ALPK1: variants seen among roughly 807,000 people sequenced by gnomAD.
ALPK1 encodes alpha-protein kinase 1.
ALPK1 carries 110 observed loss-of-function variants against 120.6 expected under a neutral mutation model. That is an observed-to-expected ratio of 0.91 (90% CI 0.78 to 1.07). The LOEUF (loss-of-function observed/expected upper bound fraction) is 1.07. ALPK1 is among the 50% of genes least tolerant of loss of function. ALPK1 has a pLI of 0.00. For synonymous variants in ALPK1, 582 were observed against 560.3 expected (o/e 1.04, Z -0.55); for missense variants, 1,498 against 1,483.9 (o/e 1.01, Z -0.16).
chr4:112,389,489 C>G (rs1732308312), intron 4 of ALPK1, among the ~76,000 whole-genome samples: 1 of 152,178 alleles, frequency 6.6e-6, no homozygotes, highest in African/African-American at 2.4e-5. Context: ...CAGAAAGAAC[C>G]TTGCTCCAGC....
intron 3 of ALPK1, among the ~76,000 whole-genome samples, chr4:112,379,654 T>C (rs1417894432): frequency 2.0e-5 from 3 of 152,232 alleles, no homozygotes; most frequent in South Asian, 2.1e-4. Context: ...GGGTCACTTA[T>C]GGCAGCGGGG....
chr4:112,349,799 G>T (rs1159916714), intron 2 of ALPK1, among the ~76,000 whole-genome samples: 2 of 152,060 alleles, frequency 1.3e-5, no homozygotes, highest in Non-Finnish European at 1.5e-5. Flanking sequence ...TGATCCACCT[G>T]CCTCGGCCTC....
chr4:112,321,121 T>C (rs1365383971), intron 2 of ALPK1, among the ~76,000 whole-genome samples: 3 of 151,936 alleles, frequency 2.0e-5, no homozygotes, highest in Non-Finnish European at 1.5e-5. Context: ...ATGGTCTCGA[T>C]CTCCCGACCT....
rs144233103 is a variant in ALPK1 at position 112,331,647 on chromosome 4, T to C, written c.-101+15795T>C. On this transcript the variant is annotated intron_variant, in intron 2 of 15. Coordinates refer to ENST00000650871, the MANE Select transcript of ALPK1 (RefSeq NM_025144.4). The stretch of plus-strand genomic sequence containing the variant: ...TGTATTATGCATAAACATCAGTAAA[T>C]CAGCCTTGGACATTTTCTATCCTGT... Among the ~76,000 whole-genome samples the C allele has an allele frequency of 1.6e-3, 241 of 152,354 alleles. 1 individual carries two copies. The highest frequency in any genetic ancestry group is 4.8e-3 in the African/African-American group (198 of 41,574).
chr4:112,404,547 C>A (rs1020218363), intron 4 of ALPK1, among the ~76,000 whole-genome samples: 2 of 152,226 alleles, frequency 1.3e-5, no homozygotes, highest in Admixed American at 1.3e-4. Context: ...TCATCTCAGA[C>A]ATTATATCGC....
chr4:112,366,053 A>G (rs929207679), intron 2 of ALPK1, among the ~76,000 whole-genome samples: 1 of 152,160 alleles, frequency 6.6e-6, no homozygotes, highest in African/African-American at 2.4e-5. Context: ...TACAAAAATC[A>G]ACTCAAGATG....
chr4:112,349,649 G>A (rs564326333), intron 2 of ALPK1, among the ~76,000 whole-genome samples: 39 of 146,596 alleles, frequency 2.7e-4, no homozygotes, highest in Middle Eastern at 3.5e-3. Flanking sequence ...CGTCTCCCAG[G>A]TTCAAGCGAT....
chr4:112,439,698 A>G lies in ALPK1; in HGVS notation c.3364A>G (p.Lys1122Glu). 1 of 1,603,268 alleles carries G rather than the reference A, an allele frequency of 6.2e-7. No individual in the cohort carries two copies. The highest frequency in any genetic ancestry group is 8.5e-7 in the Non-Finnish European group (1 of 1,175,806). ...PSTILLILED[K>E]TIKGCISVEP... is the part of the protein sequence containing the mutation. The stretch of plus-strand genomic sequence containing the variant: ...TGCTATTTTTCAGATTTTAGAGGAC[A>G]AGACAATAAAGGGATGTATCAGTGT... Residue 1122 changes from lysine (K) to glutamate (E), a missense_variant, in exon 14 of 16, where the codon AAG (lysine) becomes GAG (glutamate). Transcript: ENST00000650871.
chr4:112,431,392 T>G lies in ALPK1; in HGVS notation c.1845T>G (p.His615Gln). The change falls in exon 11 of 16, where the codon CAT (histidine) becomes CAG (glutamine). Residue 615 changes from histidine (H) to glutamine (Q), a missense_variant. His to Gln is a conservative substitution (Grantham distance 24, BLOSUM62 0). Transcript: ENST00000650871. The stretch of plus-strand genomic sequence containing the variant: ...CCAGAAAAGAGCCTGGCAAAGAACA[T>G]CTGGTGGACACTCAGTGTTCCACTG... Reference protein sequence around the residue: ...RSARKEPGKEHLVDTQCSTAL... With the variant: ...RSARKEPGKEQLVDTQCSTAL... 6.2e-7 allele frequency: 1 copy of G among 1,614,146 alleles called. No homozygotes were observed. The highest frequency in any genetic ancestry group is 8.5e-7 in the Non-Finnish European group (1 of 1,180,006).
intron 4 of ALPK1, among the ~76,000 whole-genome samples, chr4:112,408,255 C>A (rs949169839): frequency 1.3e-5 from 2 of 152,260 alleles, no homozygotes; most frequent in South Asian, 4.1e-4. Flanking sequence ...GTTGTTCTTT[C>A]TAAGCAAAAG....
intron 11 of ALPK1, among the ~76,000 whole-genome samples, chr4:112,434,152 G>A (rs1181093164): frequency 3.9e-5 from 6 of 152,108 alleles, no homozygotes; most frequent in Non-Finnish European, 7.4e-5. Context: ...ATTTGTTATC[G>A]TTTGCTAATT....
In ALPK1 at chr4:112,425,664, G is replaced by GGTACCTGGCTGTACAGAAATGAAA; in HGVS notation, c.538_561dup (p.Thr180_Ser187dup). 2 of 1,611,388 alleles carry GGTACCTGGCTGTACAGAAATGAAA rather than the reference G, an allele frequency of 1.2e-6. No individual in the cohort carries two copies. The highest frequency in any genetic ancestry group is 1.7e-6 in the Non-Finnish European group (2 of 1,178,132). On this transcript the variant is annotated inframe_insertion and splice_region_variant. Transcript: ENST00000650871. The stretch of plus-strand genomic sequence containing the variant: ...AAGGGAATTTTCATCTTTTCTTTTA[G>GGTACCTGGCTGTACAGAAATGAAA]GTACCTGGCTGTACAGAAATGAAAG...
intron 11 of ALPK1, 81 bp from the exon 12 acceptor site, chr4:112,435,067 G>A: frequency 7.3e-7 from 1 of 1,376,594 alleles, no homozygotes; most frequent in Non-Finnish European, 1.0e-6. Flanking sequence ...GCTGGCGTAG[G>A]ACCTGTGTCA....
chr4:112,360,453 T>TTG (rs1553942365), intron 2 of ALPK1, among the ~76,000 whole-genome samples: 6 of 152,198 alleles, frequency 3.9e-5, no homozygotes, highest in Non-Finnish European at 7.3e-5. Flanking sequence ...CAATGTTTTT[T>TTG]TGTGTGTGTA....
Position 112,382,510 on chromosome 4 carries a change from A to C in ALPK1, c.234A>C (p.Thr78=). Residue 78 remains threonine (T), a synonymous_variant, in exon 4 of 16, where the codon ACA becomes ACC. Transcript: ENST00000650871. ...AAGCCGTGGGCCCAGAGGACAAAAC[A>C]AACCTGAAGGATGTGATTGGCGCCG... The part of the protein sequence containing the change: ...YKQAVGPEDK[T]NLKDVIGAGL... The C allele has an allele frequency of 1.9e-6, 3 of 1,614,178 alleles. No homozygotes were observed. The highest frequency in any genetic ancestry group is 2.5e-6 in the Non-Finnish European group (3 of 1,180,028).
In ALPK1 at chr4:112,432,410, GGGA is replaced by G; in HGVS notation, c.2865_2867del (p.Ser957del). On this transcript the variant is annotated inframe_deletion, in exon 11 of 16. Transcript: ENST00000650871. ...CCCTTGGTCCTATCTGAATTCCAGT[GGGA>G]GTTCTTGGGTTTCATTGCCGGGAAA... 1 of 1,614,166 alleles carries G rather than the reference GGGA, an allele frequency of 6.2e-7. No individual in the cohort carries two copies. Among genetic ancestry groups the G allele is most frequent in the East Asian group, 2.2e-5 (1 of 44,878 alleles).
In ALPK1 at chr4:112,324,318, C is replaced by G. The variant is rs1461456284; in HGVS notation, c.-101+8466C>G. Among the ~76,000 whole-genome samples, 3 of 140,192 alleles carry G rather than the reference C, an allele frequency of 2.1e-5. No individual in the cohort carries two copies. In the Admixed American group the frequency reaches 2.2e-4, roughly 10 times the overall value. The allele number at this position is 140,192 out of a possible 152,430, so 92.0% of individuals were successfully genotyped here. Reference sequence around the variant, plus strand: ...CTCCAGCCTGGGTGACAGAGCAAGACTCCATCTCAGAAAAAAAAAAAAGAA... The same window carrying G: ...CTCCAGCCTGGGTGACAGAGCAAGAGTCCATCTCAGAAAAAAAAAAAAGAA... On this transcript the variant is annotated intron_variant, in intron 2 of 15. Transcript: ENST00000650871.
intron 2 of ALPK1, among the ~76,000 whole-genome samples, chr4:112,370,611 G>C (rs931671066): frequency 6.6e-6 from 1 of 152,188 alleles, no homozygotes; most frequent in Non-Finnish European, 1.5e-5. Flanking sequence ...CAGCAGGACT[G>C]TTGCCTGAAG....
In ALPK1 at chr4:112,430,730, TC is replaced by T. The variant is rs1734502053; in HGVS notation, c.1185del (p.Ser396ProfsTer16). ...AMGKLYNFSTSSRSQDREALS... is the reference protein window; with the variant it reads ...AMGKLYNFSTXSRSQDREALS... ...GGGGAAGCTGTACAATTTCAGCACT[TC>T]CTCCAGAAGTCAGGACAGAGAAGCT... On this transcript the variant is annotated frameshift_variant, in exon 11 of 16. Coordinates refer to ENST00000650871, the MANE Select transcript of ALPK1 (RefSeq NM_025144.4). LOFTEE classifies it high-confidence loss of function. 6.2e-7 allele frequency: 1 copy of T among 1,614,058 alleles called. No individual in the cohort carries two copies. The highest frequency in any genetic ancestry group is 1.7e-5 in the Admixed American group (1 of 60,010).
Sources: allele counts gnomAD v4.1 joint callset (sites outside exome capture counted in the v4.1 genomes callset), GRCh38; gene constraint gnomAD v4.1.1; transcripts MANE v1.5; gene names NCBI Gene and HGNC (gene_info 2026-07-23, HGNC 2026-07-21).